The following HS3ST4 variants were observed in gnomAD, a reference collection of about 807,000 sequenced individuals.
The protein encoded by HS3ST4 is heparan sulfate glucosamine 3-O-sulfotransferase 4.
HS3ST4 carries 17 observed loss-of-function variants against 29.2 expected under a neutral mutation model. That is an observed-to-expected ratio of 0.58 (90% CI 0.40 to 0.87). HS3ST4 has a LOEUF of 0.87. Among genes scored for constraint, HS3ST4 ranks in the 40% least tolerant of loss-of-function variants. The pLI, the probability that HS3ST4 is intolerant of heterozygous loss-of-function variation, is 0.00. For synonymous variants in HS3ST4, 314 were observed against 285.7 expected, an observed-to-expected ratio of 1.10 and a Z score of -1.00; for missense variants, 627 against 634.5, an observed-to-expected ratio of 0.99 and a Z score of 0.13.
At chr16:26,128,903 A>C (rs1439795790) in intron 1 of HS3ST4, among the ~76,000 whole-genome samples, 1 of 152,084 alleles carries the variant, frequency 6.6e-6, no homozygotes, top group Non-Finnish European at 1.5e-5. Context: ...TGTAACCACC[A>C]TCCTCTTGGG....
At chr16:26,055,235 GC>G (rs1164809224) in intron 1 of HS3ST4, among the ~76,000 whole-genome samples, 4 of 152,084 alleles carry the variant, frequency 2.6e-5, no homozygotes, top group African/African-American at 4.8e-5. Context: ...GACTGGCTCA[GC>G]CCCAAACCTC....
intron 1 of HS3ST4, among the ~76,000 whole-genome samples, chr16:26,078,540 T>C (rs1296895261): frequency 6.6e-6 from 1 of 152,206 alleles, no homozygotes; most frequent in Non-Finnish European, 1.5e-5. Flanking sequence ...AGGTTTTGTG[T>C]GGTCTTATTA....
At chr16:26,093,173 A>G (rs1216581059) in intron 1 of HS3ST4, among the ~76,000 whole-genome samples, 1 of 152,230 alleles carries the variant, frequency 6.6e-6, no homozygotes, top group Non-Finnish European at 1.5e-5. Context: ...TAGCTGAACA[A>G]AAGGCAGCAG....
At chr16:25,734,779 G>A (rs1404240421) in intron 1 of HS3ST4, among the ~76,000 whole-genome samples, 1 of 152,196 alleles carries the variant, frequency 6.6e-6, no homozygotes, top group Non-Finnish European at 1.5e-5. Flanking sequence ...GCCTTTGAGA[G>A]AGAAAGAGGG....
In HS3ST4 at chr16:26,039,864, G is replaced by T. The variant is rs573904894; in HGVS notation, c.735-95748G>T. 2.6e-4 allele frequency among the ~76,000 whole-genome samples: 40 copies of T among 152,136 alleles called. No individual in the cohort carries two copies. The South Asian group carries it at 8.3e-3, about 32-fold the overall frequency. The stretch of plus-strand genomic sequence containing the variant: ...AAAAACTTCCGCATTGAATTACATA[G>T]AATTGCATGGCGATTTTGTCAGCCA... On this transcript the variant is annotated intron_variant, in intron 1 of 1. Transcript: ENST00000331351.
chr16:26,129,344 A>C (rs1899388275), intron 1 of HS3ST4, among the ~76,000 whole-genome samples: 1 of 152,208 alleles, frequency 6.6e-6, no homozygotes, highest in South Asian at 2.1e-4. Context: ...GAGGTTTTAC[A>C]GTTTGGTTAA....
intron 1 of HS3ST4, among the ~76,000 whole-genome samples, chr16:25,968,806 T>TTTGC (rs1439199709): frequency 2.7e-5 from 4 of 149,574 alleles, no homozygotes; most frequent in Non-Finnish European, 5.9e-5. Context: ...CAACAAAATT[T>TTTGC]TTGTTTGTTT....
At chr16:26,090,842 T>A (rs1466518276) in intron 1 of HS3ST4, among the ~76,000 whole-genome samples, 1 of 152,046 alleles carries the variant, frequency 6.6e-6, no homozygotes, top group Non-Finnish European at 1.5e-5. Flanking sequence ...CACCAGGCCC[T>A]GAAAGCACAT....
At chr16:25,840,988 T>TTATA (rs1441786380) in intron 1 of HS3ST4, among the ~76,000 whole-genome samples, 2 of 142,958 alleles carry the variant, frequency 1.4e-5, no homozygotes, top group African/African-American at 5.1e-5. Context: ...ATTTATTTAT[T>TTATA]TATTTATTTA....
chr16:26,069,628 A>G (rs924859259), intron 1 of HS3ST4, among the ~76,000 whole-genome samples: 1 of 151,992 alleles, frequency 6.6e-6, no homozygotes, highest in Non-Finnish European at 1.5e-5. Context: ...ACATATGTAT[A>G]CATGTGCCAT....
chr16:25,713,153 A>G (rs561378108), intron 1 of HS3ST4, among the ~76,000 whole-genome samples: 1 of 152,128 alleles, frequency 6.6e-6, no homozygotes, highest in South Asian at 2.1e-4. Flanking sequence ...GCACCTGTCA[A>G]CCTGTCGTCT....
chr16:26,020,726 A>C (rs1161759508), intron 1 of HS3ST4, among the ~76,000 whole-genome samples: 1 of 152,188 alleles, frequency 6.6e-6, no homozygotes, highest in East Asian at 1.9e-4. Context: ...CTGGAAATGA[A>C]TCTCAAGCCT....
intron 1 of HS3ST4, among the ~76,000 whole-genome samples, chr16:26,079,471 G>A (rs1310056172): frequency 6.6e-6 from 1 of 152,112 alleles, no homozygotes; most frequent in Non-Finnish European, 1.5e-5. Flanking sequence ...TAACAGTAAC[G>A]ATAATAATAA....
chr16:25,848,215 T>C (rs1439264151), intron 1 of HS3ST4, among the ~76,000 whole-genome samples: 1 of 152,138 alleles, frequency 6.6e-6, no homozygotes, highest in Non-Finnish European at 1.5e-5. Flanking sequence ...CAAGGCTCAC[T>C]GCAACCTCTG....
intron 1 of HS3ST4, among the ~76,000 whole-genome samples, chr16:25,829,809 T>G (rs1188035193): frequency 6.6e-6 from 1 of 152,168 alleles, no homozygotes; most frequent in Non-Finnish European, 1.5e-5. Context: ...TTTTAAAAAA[T>G]TATTTATTTA....
chr16:25,804,473 A>G (rs1240470258), intron 1 of HS3ST4, among the ~76,000 whole-genome samples: 1 of 152,122 alleles, frequency 6.6e-6, no homozygotes, highest in Non-Finnish European at 1.5e-5. Flanking sequence ...CCCATTCAGC[A>G]AATTGCCTCA....
intron 1 of HS3ST4, among the ~76,000 whole-genome samples, chr16:26,029,663 G>A (rs987503591): frequency 5.3e-5 from 8 of 152,116 alleles, no homozygotes; most frequent in Admixed American, 3.3e-4. Flanking sequence ...CACACGCCTC[G>A]GCCTCCCAAA....
intron 1 of HS3ST4, among the ~76,000 whole-genome samples, chr16:25,907,782 G>T (rs1181422144): frequency 6.6e-6 from 1 of 152,134 alleles, no homozygotes; most frequent in Non-Finnish European, 1.5e-5. Flanking sequence ...AATCCAACAG[G>T]CTTCATTGAT....
chr16:26,058,840 A>C (rs1898442457), intron 1 of HS3ST4, among the ~76,000 whole-genome samples: 1 of 152,132 alleles, frequency 6.6e-6, no homozygotes, highest in Non-Finnish European at 1.5e-5. Flanking sequence ...GTGAGGTCCT[A>C]GAAGTAGAAC....
Sources: allele counts gnomAD v4.1 joint callset (sites outside exome capture counted in the v4.1 genomes callset), GRCh38; gene constraint gnomAD v4.1.1; transcripts MANE v1.5; gene names NCBI Gene and HGNC (gene_info 2026-07-23, HGNC 2026-07-21).